The following TRAF3IP2 variants were observed in gnomAD, a reference collection of about 807,000 sequenced individuals.
TRAF3IP2 encodes the protein TRAF3 interacting protein 2, also known as E3 ubiquitin ligase TRAF3IP2.
A neutral mutation model predicts 57.9 loss-of-function variants in TRAF3IP2; 35 were observed. That is an observed-to-expected ratio of 0.60 (90% CI 0.46 to 0.80). TRAF3IP2 has a LOEUF of 0.80. Among genes scored for constraint, TRAF3IP2 ranks in the 30% least tolerant of loss-of-function variants. The pLI, the probability that TRAF3IP2 is intolerant of heterozygous loss-of-function variation, is 0.00. For synonymous variants in TRAF3IP2, 251 were observed against 268.9 expected (o/e 0.93, Z 0.65); for missense variants, 556 against 706.4 (o/e 0.79, Z 2.41).
chr6:111,579,316 C>CAAAAAAAAAAAAAAAAAAAAAAAA (rs529040872), intron 3 of TRAF3IP2, among the ~76,000 whole-genome samples: 1 of 69,832 alleles, frequency 1.4e-5, no homozygotes, highest in Non-Finnish European at 2.5e-5. Flanking sequence ...GGCTCCATCT[C>CAAAAAAAAAAAAAAAAAAAAAAAA]AAAAAAAAAA....
intron 2 of TRAF3IP2, among the ~76,000 whole-genome samples, chr6:111,586,775 C>T (rs990793236): frequency 2.0e-5 from 3 of 152,110 alleles, no homozygotes; most frequent in African/African-American, 7.2e-5. Context: ...GCAGTTATAG[C>T]CCTGACATGA....
intron 1 of TRAF3IP2, 131 bp from the exon 2 acceptor site, chr6:111,592,225 G>A: frequency 1.3e-6 from 1 of 775,512 alleles, no homozygotes; most frequent in Non-Finnish European, 2.1e-6. Context: ...TGCTTGCAAA[G>A]CCCTAATCAC....
At position 111,562,106 on chromosome 6, in the gene TRAF3IP2, C is replaced by T. The variant is rs1795466988; in HGVS notation, c.1551+859G>A. 2.0e-5 allele frequency among the ~76,000 whole-genome samples: 3 copies of T among 152,164 alleles called. No individual in the cohort carries two copies. In the East Asian group the frequency reaches 5.8e-4, roughly 29 times the overall value. ...GGTCTGATTCTCAACATGTTTACTCCACCACTGCCTTCCCTTTGCCAAGCA... is the reference window on the plus strand; with the variant it reads ...GGTCTGATTCTCAACATGTTTACTCTACCACTGCCTTCCCTTTGCCAAGCA... On this transcript the variant is annotated intron_variant, in intron 8 of 8. Coordinates refer to ENST00000368761, the MANE Select transcript of TRAF3IP2 (RefSeq NM_147686.4).
At chr6:111,580,130 C>T (rs1016254666) in intron 3 of TRAF3IP2, 67 bp downstream of exon 3, 69 of 1,545,290 alleles carry the variant, frequency 4.5e-5, no homozygotes, top group Non-Finnish European at 5.8e-5. Flanking sequence ...TCTGTTACAT[C>T]TTCATTGCAT....
intron 5 of TRAF3IP2, among the ~76,000 whole-genome samples, chr6:111,569,386 T>C (rs1406444449): frequency 6.6e-6 from 1 of 152,134 alleles, no homozygotes; most frequent in African/African-American, 2.4e-5. Flanking sequence ...CCTACGGTGG[T>C]TGTGAGAACT....
At chr6:111,579,723 C>A (rs962762558) in intron 3 of TRAF3IP2, among the ~76,000 whole-genome samples, 1 of 151,914 alleles carries the variant, frequency 6.6e-6, no homozygotes, top group Non-Finnish European at 1.5e-5. Context: ...CAGAGCAAAA[C>A]CCTGTCTCAA....
intron 4 of TRAF3IP2, 146 bp from the exon 5 acceptor site, chr6:111,573,129 G>A (rs1003463800): frequency 1.8e-5 from 12 of 651,842 alleles, no homozygotes; most frequent in Middle Eastern, 4.3e-4. Context: ...TTATGCCTAC[G>A]TTGTATGCTG....
intron 7 of TRAF3IP2, among the ~76,000 whole-genome samples, chr6:111,564,757 C>T (rs1795571521): frequency 2.0e-5 from 3 of 152,210 alleles, no homozygotes; most frequent in Non-Finnish European, 2.9e-5. Context: ...CAGACAAGCT[C>T]TGAGGCCAAG....
chr6:111,575,187 G>A (rs189172127), intron 4 of TRAF3IP2, among the ~76,000 whole-genome samples: 1 of 152,122 alleles, frequency 6.6e-6, no homozygotes, highest in African/African-American at 2.4e-5. Flanking sequence ...TCACACCACC[G>A]CACTCCCGCC....
intron 1 of TRAF3IP2, among the ~76,000 whole-genome samples, chr6:111,599,066 A>ATTTTTTTTTTT (rs1017585005): frequency 2.3e-5 from 3 of 129,056 alleles, no homozygotes; most frequent in African/African-American, 3.0e-5. Context: ...CACCTGGTTA[A>ATTTTTTTTTTT]TTTTTTTTTT....
At chr6:111,600,871 A>G (rs1286570915) in intron 1 of TRAF3IP2, 3 of 214,630 alleles carry the variant, frequency 1.4e-5, no homozygotes, top group Non-Finnish European at 2.8e-5. Context: ...TACGTGGGAA[A>G]TGCTGTTCCA....
At chr6:111,565,083 C>G (rs1431791477) in intron 7 of TRAF3IP2, among the ~76,000 whole-genome samples, 1 of 152,212 alleles carries the variant, frequency 6.6e-6, no homozygotes, top group African/African-American at 2.4e-5. Context: ...TATCTCCTGA[C>G]TCCCTGGCCT....
Position 111,569,785 on chromosome 6 carries a change from A to G in TRAF3IP2, c.1291-2093T>C, listed in dbSNP as rs997190285. Among the ~76,000 whole-genome samples, 3 of 152,060 alleles carry G rather than the reference A, an allele frequency of 2.0e-5. No individual in the cohort carries two copies. In the South Asian group the frequency reaches 6.2e-4, roughly 32 times the overall value. On this transcript the variant is annotated intron_variant, in intron 5 of 8. Coordinates refer to ENST00000368761, the MANE Select transcript of TRAF3IP2 (RefSeq NM_147686.4). ...AAAATTAAATAAATAAAAAATAGTG[A>G]TTATTGTTATTATCCAAGCACTCTA... is the stretch of plus-strand genomic sequence containing the variant.
intron 6 of TRAF3IP2, 159 bp downstream of exon 6, chr6:111,567,465 T>C (rs1312187024): frequency 7.6e-7 from 1 of 1,320,638 alleles, no homozygotes; most frequent in Non-Finnish European, 9.7e-7. Flanking sequence ...CGTCCTTCCT[T>C]TCCAAGTCTT....
intron 2 of TRAF3IP2, among the ~76,000 whole-genome samples, chr6:111,582,231 C>T (rs1477578820): frequency 6.6e-6 from 1 of 152,196 alleles, no homozygotes; most frequent in Non-Finnish European, 1.5e-5. Context: ...TTATTGTCTC[C>T]TTTGACCCAT....
In TRAF3IP2 at chr6:111,555,455, G is replaced by A. The variant is rs1348627110; in HGVS notation, c.*3950C>T. Among the ~76,000 whole-genome samples, 1 of 152,156 alleles carries A rather than the reference G, an allele frequency of 6.6e-6. No individual in the cohort carries two copies. Among genetic ancestry groups the A allele is most frequent in the African/African-American group, 2.4e-5 (1 of 41,442 alleles). ...AACAGTAATAATTTTTCTGAGCACT[G>A]AGCTGAGAAATAGCTAGTCTAATAC... On this transcript the variant is annotated 3_prime_UTR_variant, in exon 9 of 9. Transcript: ENST00000368761.
In TRAF3IP2 at chr6:111,572,104, G is replaced by A. The variant is rs544319001; in HGVS notation, c.1290+791C>T. On this transcript the variant is annotated intron_variant, in intron 5 of 8. Coordinates refer to ENST00000368761, the MANE Select transcript of TRAF3IP2 (RefSeq NM_147686.4). ...TCTAGAATTCACTAGAAAAGGCCTA[G>A]AAGAGGGCTCTGGAAAGGAAAAGAA... 2.6e-5 allele frequency among the ~76,000 whole-genome samples: 4 copies of A among 152,278 alleles called. No homozygotes were observed. The South Asian group carries it at 6.2e-4, about 24-fold the overall frequency.
Position 111,556,193 on chromosome 6 carries a change from CGTGT to C in TRAF3IP2, c.*3208_*3211del, listed in dbSNP as rs373509113. 1.3e-5 allele frequency among the ~76,000 whole-genome samples: 2 copies of C among 150,552 alleles called. No homozygotes were observed. Among genetic ancestry groups the C allele is most frequent in the African/African-American group, 2.4e-5 (1 of 40,992 alleles). On this transcript the variant is annotated 3_prime_UTR_variant, in exon 9 of 9. Coordinates refer to ENST00000368761, the MANE Select transcript of TRAF3IP2 (RefSeq NM_147686.4). The stretch of plus-strand genomic sequence containing the variant: ...CAAGCTTTTGTCACTTGGCCAAGTG[CGTGT>C]GTGTGTGTATGTGTGCGTGTGTGTG...
intron 2 of TRAF3IP2, among the ~76,000 whole-genome samples, chr6:111,582,926 G>GT (rs1341382681): frequency 6.6e-6 from 1 of 152,166 alleles, no homozygotes. Context: ...TGTCCAGAAT[G>GT]TTTTTGCCCT....
Sources: allele counts gnomAD v4.1 joint callset (sites outside exome capture counted in the v4.1 genomes callset), GRCh38; gene constraint gnomAD v4.1.1; transcripts MANE v1.5; gene names NCBI Gene and HGNC (gene_info 2026-07-23, HGNC 2026-07-21).